The following ADK variants were observed in gnomAD, a reference collection of about 807,000 sequenced individuals.
ADK encodes N6,N6-dimethyladenosine kinase.
In ADK, 24 loss-of-function variants were observed where a neutral mutation model predicts 44.7. That is an observed-to-expected ratio of 0.54 (90% CI 0.39 to 0.76). ADK has a LOEUF of 0.76. ADK is among the 30% of genes least tolerant of loss of function. The pLI is 0.00. For synonymous variants in ADK, 128 were observed against 142.6 expected (o/e 0.90, Z 0.73); for missense variants, 321 against 425.1 (o/e 0.76, Z 2.15).
chr10:74,508,840 A>G (rs1315830549), intron 6 of ADK, among the ~76,000 whole-genome samples: 1 of 152,196 alleles, frequency 6.6e-6, no homozygotes, highest in Non-Finnish European at 1.5e-5. Context: ...AGATGCATGC[A>G]TATGTGTTTA....
At chr10:74,574,126 G>A (rs1851084119) in intron 7 of ADK, among the ~76,000 whole-genome samples, 1 of 151,744 alleles carries the variant, frequency 6.6e-6, no homozygotes, top group African/African-American at 2.4e-5. Flanking sequence ...GTAGACTGGA[G>A]CTGTTCCCAT....
chr10:74,491,945 T>C (rs537057626), intron 6 of ADK, among the ~76,000 whole-genome samples: 1 of 152,336 alleles, frequency 6.6e-6, no homozygotes, highest in South Asian at 2.1e-4. Context: ...CAGAGTTGTT[T>C]TAGTTTTTTT....
chr10:74,208,899 G>C (rs1699817810), intron 2 of ADK, among the ~76,000 whole-genome samples: 2 of 151,982 alleles, frequency 1.3e-5, no homozygotes, highest in African/African-American at 4.8e-5. Flanking sequence ...ACCATGCCCG[G>C]CTAATTTTTG....
At chr10:74,601,794 T>C (rs1422580524) in intron 9 of ADK, among the ~76,000 whole-genome samples, 1 of 151,420 alleles carries the variant, frequency 6.6e-6, no homozygotes, top group East Asian at 1.9e-4. Context: ...CTAGGAAGGA[T>C]TAAAAGAAAG....
At chr10:74,490,863 C>T (rs927092083) in intron 6 of ADK, among the ~76,000 whole-genome samples, 11 of 152,030 alleles carry the variant, frequency 7.2e-5, no homozygotes, top group African/African-American at 2.7e-4. Context: ...CAGATGGCTT[C>T]TCAGGTTGGA....
chr10:74,662,372 C>CTGGGT (rs549131329), intron 9 of ADK, among the ~76,000 whole-genome samples: 2 of 152,292 alleles, frequency 1.3e-5, no homozygotes, highest in South Asian at 4.1e-4. Flanking sequence ...CCTCAACCAC[C>CTGGGT]TGGGCTCAAG....
intron 4 of ADK, among the ~76,000 whole-genome samples, chr10:74,327,853 T>G (rs1318294389): frequency 6.6e-6 from 1 of 152,208 alleles, no homozygotes; most frequent in Non-Finnish European, 1.5e-5. Flanking sequence ...AACTTAACTT[T>G]GATTGCTAAA....
rs567286867 is a variant in ADK at position 74,322,458 on chromosome 10, G to A, written c.273+7713G>A. ...ACAGGCCCTACGAATAAGGTTGACT[G>A]TTCAAATTGTGATACCTCATTATAG... On this transcript the variant is annotated intron_variant, in intron 4 of 10. Transcript: ENST00000539909. Among the ~76,000 whole-genome samples the A allele has an allele frequency of 4.6e-5, 7 of 152,284 alleles. No homozygotes were observed. In the South Asian group the frequency reaches 1.4e-3, roughly 32 times the overall value.
chr10:74,346,370 T>C (rs1841765879), intron 4 of ADK, among the ~76,000 whole-genome samples: 1 of 152,224 alleles, frequency 6.6e-6, no homozygotes, highest in Non-Finnish European at 1.5e-5. Context: ...ATACTTGCAA[T>C]GTAGGTAGGC....
intron 4 of ADK, among the ~76,000 whole-genome samples, chr10:74,387,820 A>G (rs1481661282): frequency 6.6e-6 from 1 of 152,214 alleles, no homozygotes; most frequent in Non-Finnish European, 1.5e-5. Flanking sequence ...CCTTCTTTGT[A>G]TAAAGGTGAT....
intron 9 of ADK, among the ~76,000 whole-genome samples, chr10:74,666,595 G>A (rs1185323522): frequency 6.6e-6 from 1 of 152,166 alleles, no homozygotes; most frequent in Non-Finnish European, 1.5e-5. Context: ...TACAATTAGT[G>A]CAGAAAGCTA....
At chr10:74,173,553 C>T (rs1460801056) in intron 1 of ADK, among the ~76,000 whole-genome samples, 3 of 151,936 alleles carry the variant, frequency 2.0e-5, no homozygotes, top group Non-Finnish European at 2.9e-5. Context: ...GCCTCAGCCT[C>T]CCAAGTAGCT....
At chr10:74,244,069 A>T (rs1261875837) in intron 3 of ADK, among the ~76,000 whole-genome samples, 1 of 152,224 alleles carries the variant, frequency 6.6e-6, no homozygotes, top group Non-Finnish European at 1.5e-5. Context: ...TTACATTGTT[A>T]CAATAATGTT....
intron 3 of ADK, among the ~76,000 whole-genome samples, chr10:74,303,243 T>A (rs1444299856): frequency 6.6e-6 from 1 of 152,224 alleles, no homozygotes; most frequent in Non-Finnish European, 1.5e-5. Flanking sequence ...AAAAACATAC[T>A]CTTGTGCTTA....
At chr10:74,180,326 C>T (rs929238152) in intron 1 of ADK, among the ~76,000 whole-genome samples, 1 of 149,998 alleles carries the variant, frequency 6.7e-6, no homozygotes, top group South Asian at 2.1e-4. Flanking sequence ...CAACCTCCAC[C>T]TCCTGGGTTG....
At position 74,708,902 on chromosome 10, in the gene ADK, CAT is replaced by C. The variant is rs1423002386; in HGVS notation, c.*459_*460del. The C allele has an allele frequency of 5.7e-6, 1 of 176,110 alleles. No homozygotes were observed. The highest frequency in any genetic ancestry group is 1.2e-5 in the Non-Finnish European group (1 of 82,374). 10.9% of individuals were successfully genotyped at this position (176,110 alleles called of 1,614,324 possible). Reference sequence around the variant, plus strand: ...GAGTATATGTGTGTCTATACACACACATACATAAATATACCACATATACACCT... The same window carrying C: ...GAGTATATGTGTGTCTATACACACACACATAAATATACCACATATACACCT... On this transcript the variant is annotated 3_prime_UTR_variant, in exon 11 of 11. Transcript: ENST00000539909.
chr10:74,637,773 G>A (rs1430481780), intron 9 of ADK, among the ~76,000 whole-genome samples: 1 of 152,214 alleles, frequency 6.6e-6, no homozygotes, highest in Non-Finnish European at 1.5e-5. Flanking sequence ...CAAACCTTGA[G>A]ACTGCTGAGT....
intron 6 of ADK, among the ~76,000 whole-genome samples, chr10:74,401,128 G>A (rs1186790043): frequency 6.6e-6 from 1 of 152,174 alleles, no homozygotes. Flanking sequence ...TTGTTAGCAG[G>A]TAATTAGGGA....
chr10:74,196,248 A>G (rs1405405582), intron 1 of ADK, among the ~76,000 whole-genome samples: 6 of 150,122 alleles, frequency 4.0e-5, no homozygotes, highest in African/African-American at 1.5e-4. Context: ...GGGAACTGTA[A>G]TGTTAAGATT....
Sources: allele counts gnomAD v4.1 joint callset (sites outside exome capture counted in the v4.1 genomes callset), GRCh38; gene constraint gnomAD v4.1.1; transcripts MANE v1.5; gene names NCBI Gene and HGNC (gene_info 2026-07-23, HGNC 2026-07-21).